Variants in ANKRD16 observed in about 807,000 individuals in gnomAD.
ANKRD16 encodes ankyrin repeat domain 16, also known as ankyrin repeat domain-containing protein 16.
A neutral mutation model predicts 37.9 loss-of-function variants in ANKRD16; 35 were observed. The observed-to-expected ratio is 0.92, with a 90% CI of 0.71 to 1.23. The LOEUF (loss-of-function observed/expected upper bound fraction) is 1.23, where lower values mean the gene tolerates loss of function less well. Ranked by LOEUF, ANKRD16 falls within the 50% of genes most tolerant of loss-of-function variation. ANKRD16 has a pLI of 0.00. For synonymous variants in ANKRD16, 206 were observed against 197.2 expected (o/e 1.04, Z -0.37); for missense variants, 480 against 469.9 (o/e 1.02, Z -0.20).
intron 7 of ANKRD16, among the ~76,000 whole-genome samples, chr10:5,872,612 A>G (rs967483256): frequency 6.6e-6 from 1 of 152,068 alleles, no homozygotes; most frequent in Non-Finnish European, 1.5e-5. Context: ...GCTGGAGTGC[A>G]GTGGCGCGAT....
chr10:5,884,187 G>T, intron 3 of ANKRD16, 110 bp from the exon 4 acceptor site: 1 of 762,148 alleles, frequency 1.3e-6, no homozygotes, highest in Non-Finnish European at 2.2e-6. Context: ...AATGACCTGT[G>T]AGCATGGAGC....
At chr10:5,873,000 C>T (rs1842126626) in intron 7 of ANKRD16, among the ~76,000 whole-genome samples, 1 of 148,572 alleles carries the variant, frequency 6.7e-6, no homozygotes, top group Non-Finnish European at 1.5e-5. Flanking sequence ...GCTGGGACTA[C>T]AGGTGTGCCC....
At chr10:5,882,246 A>G (rs1842328649) in intron 5 of ANKRD16, among the ~76,000 whole-genome samples, 1 of 152,068 alleles carries the variant, frequency 6.6e-6, no homozygotes, top group South Asian at 2.1e-4. Context: ...AATGTAATTG[A>G]TCAGAAAAAC....
At chr10:5,872,539 T>A (rs950367905) in intron 7 of ANKRD16, among the ~76,000 whole-genome samples, 13 of 152,178 alleles carry the variant, frequency 8.5e-5, no homozygotes, top group South Asian at 2.1e-4. Flanking sequence ...CTCAACCGTA[T>A]GCATTTTATT....
In ANKRD16 at chr10:5,865,236, T is replaced by C. The variant is rs1841996083; in HGVS notation, c.*34-2545A>G. Among the ~76,000 whole-genome samples the C allele has an allele frequency of 6.6e-6, 1 of 152,180 alleles. No homozygotes were observed. The highest frequency in any genetic ancestry group is 2.4e-5 in the African/African-American group (1 of 41,444). The stretch of plus-strand genomic sequence containing the variant: ...TTTGCAAGGACACCTTAAAAAAGAC[T>C]GTCCAACAAGAAACAAGCTGCCCCC... On this transcript the variant is annotated intron_variant, in intron 7 of 7. Transcript: ENST00000380094. The surrounding 1 kb of genome is among the most constrained non-coding windows in gnomAD (Gnocchi z 4.7).
rs536191921 is a variant in ANKRD16 at position 5,869,667 on chromosome 10, C to T, written c.*34-6976G>A. On this transcript the variant is annotated intron_variant, in intron 7 of 7. Transcript: ENST00000380094. This position sits in a 1 kb window ranked among gnomAD's most constrained non-coding sequence, Gnocchi z 4.0. ...TTCCCTCTTGAGGCTGGGGAGGAAC[C>T]GGCAGGGTGAACGCGAGTATTTCTC... Among the ~76,000 whole-genome samples, 81 of 151,292 alleles carry T rather than the reference C, an allele frequency of 5.4e-4. No homozygotes were observed. Among genetic ancestry groups the T allele is most frequent in the Non-Finnish European group, 8.7e-4 (59 of 67,894 alleles).
rs893815649 is a variant in ANKRD16 at position 5,869,668 on chromosome 10, G to A, written c.*34-6977C>T. ...TCCCTCTTGAGGCTGGGGAGGAACC[G>A]GCAGGGTGAACGCGAGTATTTCTCC... On this transcript the variant is annotated intron_variant, in intron 7 of 7. Coordinates refer to ENST00000380094, the MANE Select transcript of ANKRD16 (RefSeq NM_019046.3). The surrounding 1 kb of genome is among the most constrained non-coding windows in gnomAD (Gnocchi z 4.0). Among the ~76,000 whole-genome samples, 5 of 151,716 alleles carry A rather than the reference G, an allele frequency of 3.3e-5. No homozygotes were observed. Among genetic ancestry groups the A allele is most frequent in the African/African-American group, 9.7e-5 (4 of 41,248 alleles).
intron 7 of ANKRD16, among the ~76,000 whole-genome samples, chr10:5,872,447 C>G (rs1842106335): frequency 6.6e-6 from 1 of 152,106 alleles, no homozygotes; most frequent in Non-Finnish European, 1.5e-5. Flanking sequence ...CCACTATACC[C>G]CGGCCTGGGT....
chr10:5,875,976 G>A (rs982473830), intron 7 of ANKRD16, among the ~76,000 whole-genome samples: 8 of 151,564 alleles, frequency 5.3e-5, no homozygotes, highest in East Asian at 1.9e-4. Flanking sequence ...CTCCGCCTCC[G>A]GAGTTAAAGC....
rs929568268 is a variant in ANKRD16 at position 5,865,387 on chromosome 10, C to T, written c.*34-2696G>A. Among the ~76,000 whole-genome samples the T allele has an allele frequency of 2.6e-5, 4 of 152,192 alleles. No individual in the cohort carries two copies. The highest frequency in any genetic ancestry group is 5.9e-5 in the Non-Finnish European group (4 of 68,034). ...CAGGACCGAGGGTGCCCAGGGCAAG[C>T]GCCAGCTCATGTCATCACCCTCACT... On this transcript the variant is annotated intron_variant, in intron 7 of 7. Coordinates refer to ENST00000380094, the MANE Select transcript of ANKRD16 (RefSeq NM_019046.3). This position sits in a 1 kb window ranked among gnomAD's most constrained non-coding sequence, Gnocchi z 4.7.
chr10:5,865,421 G>A lies in ANKRD16; in HGVS notation c.*34-2730C>T, dbSNP rs910772303. ...ATGTCATCACCCTCACTGAGCCCCA[G>A]GTATGTTTAACTATTGAGGGCCAGG... On this transcript the variant is annotated intron_variant, in intron 7 of 7. Coordinates refer to ENST00000380094, the MANE Select transcript of ANKRD16 (RefSeq NM_019046.3). The surrounding 1 kb of genome is among the most constrained non-coding windows in gnomAD (Gnocchi z 4.7). Among the ~76,000 whole-genome samples the A allele has an allele frequency of 6.6e-6, 1 of 152,156 alleles. No individual in the cohort carries two copies. Among genetic ancestry groups the A allele is most frequent in the African/African-American group, 2.4e-5 (1 of 41,434 alleles).
intron 5 of ANKRD16, among the ~76,000 whole-genome samples, chr10:5,881,725 T>C (rs1237137532): frequency 6.9e-6 from 1 of 145,350 alleles, no homozygotes; most frequent in Admixed American, 7.1e-5. Context: ...TCTCACTCTG[T>C]CGTCCAGGCT....
rs1842472210 is a variant in ANKRD16, at chr10:5,887,944, T to C, written c.438A>G (p.Arg146=). The stretch of plus-strand genomic sequence containing the variant: ...ACTGGAGGATCAGAGGGTCGCCTTC[T>C]CGACTGGCAATGTGGAAACTGTTCC... ...DGWNSFHIAS[R]EGDPLILQYL... The change falls in exon 2 of 8, where the codon CGA becomes CGG. Residue 146 remains arginine (R), a synonymous_variant. Coordinates refer to ENST00000380094, the MANE Select transcript of ANKRD16 (RefSeq NM_019046.3). The C allele has an allele frequency of 6.2e-7, 1 of 1,614,232 alleles. No individual in the cohort carries two copies. The highest frequency in any genetic ancestry group is 8.5e-7 in the Non-Finnish European group (1 of 1,180,030).
intron 6 of ANKRD16, among the ~76,000 whole-genome samples, chr10:5,879,399 T>C (rs622488): frequency 0.83 from 125,379 of 151,674 alleles, 52,191 homozygotes; most frequent in Admixed American, 0.88. Context: ...ACCCAGGAGG[T>C]GGAGGTTGCA....
Position 5,878,004 on chromosome 10 carries a change from T to G in ANKRD16, c.*33+93A>C. On this transcript the variant is annotated intron_variant, in intron 7 of 7. Coordinates refer to ENST00000380094, the MANE Select transcript of ANKRD16 (RefSeq NM_019046.3). The surrounding 1 kb of genome is among the most constrained non-coding windows in gnomAD (Gnocchi z 5.1). ...CTCAGCAGGAGTGGAACATGCAGGA[T>G]GAGGGAAGGGAGGAAGTGGAGGAGA... 8.2e-6 allele frequency: 11 copies of G among 1,338,922 alleles called. No individual in the cohort carries two copies. The highest frequency in any genetic ancestry group is 8.2e-6 in the Non-Finnish European group (8 of 975,906). The allele number at this position is 1,338,922 out of a possible 1,614,324, so 82.9% of individuals were successfully genotyped here.
At chr10:5,872,591 C>G (rs1423932534) in intron 7 of ANKRD16, among the ~76,000 whole-genome samples, 1 of 152,172 alleles carries the variant, frequency 6.6e-6, no homozygotes, top group Non-Finnish European at 1.5e-5. Context: ...GAATCTCACT[C>G]TGTTGCCCAG....
At position 5,870,398 on chromosome 10, in the gene ANKRD16, C is replaced by G. The variant is rs1368789318; in HGVS notation, c.*33+7699G>C. On this transcript the variant is annotated intron_variant, in intron 7 of 7. Transcript: ENST00000380094. This position sits in a 1 kb window ranked among gnomAD's most constrained non-coding sequence, Gnocchi z 5.0. ...GCACCAGCCAGTCCTCATTCCCTCC[C>G]TACTGCTTTTTTTTTTTTTTTTTGA... is the stretch of plus-strand genomic sequence containing the variant. 6.6e-6 allele frequency among the ~76,000 whole-genome samples: 1 copy of G among 151,088 alleles called. No homozygotes were observed. The highest frequency in any genetic ancestry group is 1.5e-5 in the Non-Finnish European group (1 of 67,912).
chr10:5,872,824 G>A (rs1334657769), intron 7 of ANKRD16, among the ~76,000 whole-genome samples: 9 of 151,460 alleles, frequency 5.9e-5, no homozygotes, highest in African/African-American at 2.2e-4. Context: ...CCAAAGTGCT[G>A]GCATTACAGG....
chr10:5,873,713 ACCCTCCCTATAGTT>A (rs929987715), intron 7 of ANKRD16, among the ~76,000 whole-genome samples: 3 of 151,598 alleles, frequency 2.0e-5, no homozygotes, highest in African/African-American at 4.9e-5. Flanking sequence ...CTGTCTGAGC[ACCCTCCCTATAGTT>A]CCCTCCAGCT....
Sources: gnomAD v4.1 joint callset for allele counts (sites outside exome capture counted in the v4.1 genomes callset) on GRCh38, gnomAD v4.1.1 for gene constraint, Gnocchi (gnomAD v3.1) non-coding constraint, MANE v1.5 for transcripts, NCBI Gene and HGNC (gene_info 2026-07-23, HGNC 2026-07-21) for gene names.